XYLT1: variants seen among roughly 807,000 people sequenced by gnomAD.
XYLT1 encodes the protein xylosyltransferase 1, also known as beta-D-xylosyltransferase 1.
Under a neutral mutation model 91.3 loss-of-function variants are expected in XYLT1, and 36 were observed. That is an observed-to-expected ratio of 0.39 (90% CI 0.30 to 0.52). The LOEUF (loss-of-function observed/expected upper bound fraction) is 0.52. XYLT1 is among the 20% of genes least tolerant of loss of function. The pLI is 0.68. For synonymous variants in XYLT1, 588 were observed against 532.0 expected (o/e 1.11, Z -1.45); for missense variants, 1,242 against 1,284.5 (o/e 0.97, Z 0.51).
intron 2 of XYLT1, among the ~76,000 whole-genome samples, chr16:17,336,780 G>A (rs771727830): frequency 1.1e-4 from 16 of 152,150 alleles, no homozygotes; most frequent in Non-Finnish European, 1.9e-4. Flanking sequence ...ATGTGTGTCC[G>A]ACTGGCCTTG....
chr16:17,225,083 T>C (rs1230958228), intron 3 of XYLT1, among the ~76,000 whole-genome samples: 4 of 152,140 alleles, frequency 2.6e-5, no homozygotes, highest in Non-Finnish European at 4.4e-5. Context: ...ATAGTATTAG[T>C]CTTCCAGGAA....
chr16:17,273,399 C>G (rs1259002245), intron 2 of XYLT1, among the ~76,000 whole-genome samples: 6 of 152,214 alleles, frequency 3.9e-5, no homozygotes, highest in African/African-American at 1.4e-4. Flanking sequence ...TATCCTCCAG[C>G]CCCTTGCAAC....
intron 5 of XYLT1, among the ~76,000 whole-genome samples, chr16:17,177,201 G>T (rs1292551526): frequency 6.6e-6 from 1 of 152,010 alleles, no homozygotes; most frequent in Non-Finnish European, 1.5e-5. Flanking sequence ...CAACTCTCAG[G>T]AAACCACTGG....
At chr16:17,292,800 G>A (rs1246327045) in intron 2 of XYLT1, among the ~76,000 whole-genome samples, 1 of 152,176 alleles carries the variant, frequency 6.6e-6, no homozygotes, top group Non-Finnish European at 1.5e-5. Context: ...ACAAAGTGGG[G>A]CACATGGGAA....
intron 1 of XYLT1, among the ~76,000 whole-genome samples, chr16:17,448,980 G>A (rs914211747): frequency 1.6e-4 from 25 of 152,136 alleles, no homozygotes; most frequent in Admixed American, 1.4e-3. Flanking sequence ...TGCGAACTCC[G>A]GCACCTTGGC....
intron 3 of XYLT1, among the ~76,000 whole-genome samples, chr16:17,253,420 C>T (rs1369999216): frequency 2.0e-5 from 3 of 152,166 alleles, no homozygotes; most frequent in Non-Finnish European, 2.9e-5. Context: ...GGCAAACTCA[C>T]ACTGCAAAGC....
chr16:17,232,429 G>GTGTGTATATATATA (rs1194509016), intron 3 of XYLT1, among the ~76,000 whole-genome samples: 3 of 121,734 alleles, frequency 2.5e-5, no homozygotes, highest in Non-Finnish European at 3.4e-5. Context: ...GTGTGTGTGT[G>GTGTGTATATATATA]TATATATATA....
At chr16:17,176,383 C>T (rs940145831) in intron 5 of XYLT1, among the ~76,000 whole-genome samples, 1 of 152,238 alleles carries the variant, frequency 6.6e-6, no homozygotes, top group Non-Finnish European at 1.5e-5. Context: ...AAGGCTGAGG[C>T]AGGTAACTGA....
rs35377886 is a variant in XYLT1 at position 17,409,546 on chromosome 16, C to CTT, written c.364-51498_364-51497dup. Among the ~76,000 whole-genome samples the CTT allele has an allele frequency of 9.5e-3, 1,110 of 117,274 alleles. 38 individuals are homozygous for CTT. Among genetic ancestry groups the CTT allele is most frequent in the African/African-American group, 0.03 (919 of 30,224 alleles). 76.9% of individuals were successfully genotyped at this position (117,274 alleles called of 152,430 possible). A position where few individuals can be genotyped will look rare whatever the true frequency, so the allele number is the denominator to read the frequency against. ...AAGTTGGTTTTGAAGTATTGAGACA[C>CTT]TTTTTTTTTTTTTTTTTTTTTTAGA... On this transcript the variant is annotated intron_variant, in intron 1 of 11. Coordinates refer to ENST00000261381, the MANE Select transcript of XYLT1 (RefSeq NM_022166.4).
intron 2 of XYLT1, 150 bp from the exon 3 acceptor site, chr16:17,259,648 T>C (rs531478870): frequency 1.5e-5 from 14 of 908,304 alleles, no homozygotes; most frequent in Admixed American, 2.9e-5. Flanking sequence ...TCTGGTAAGA[T>C]GGCTCTCTCT....
intron 1 of XYLT1, among the ~76,000 whole-genome samples, chr16:17,412,578 T>G: frequency 1.2e-5 from 1 of 84,950 alleles, no homozygotes; most frequent in African/African-American, 4.6e-5. Flanking sequence ...TTTGAAGCAT[T>G]TGGGGGTGTG....
chr16:17,210,730 G>C (rs973213832), intron 3 of XYLT1, among the ~76,000 whole-genome samples: 4 of 152,202 alleles, frequency 2.6e-5, no homozygotes, highest in Non-Finnish European at 5.9e-5. Flanking sequence ...TGCGATGTCA[G>C]AGTTACCCAA....
At chr16:17,112,975 G>A (rs1966845240) in intron 11 of XYLT1, among the ~76,000 whole-genome samples, 1 of 151,932 alleles carries the variant, frequency 6.6e-6, no homozygotes, top group Non-Finnish European at 1.5e-5. Flanking sequence ...GAGTAGCTGG[G>A]ATCACAGGCA....
At chr16:17,344,033 C>G (rs1044604023) in intron 2 of XYLT1, among the ~76,000 whole-genome samples, 13 of 152,108 alleles carry the variant, frequency 8.5e-5, no homozygotes, top group African/African-American at 3.1e-4. Context: ...TTGGTTAGGA[C>G]CGTGGTTTTC....
chr16:17,224,043 C>T (rs1418648845), intron 3 of XYLT1, among the ~76,000 whole-genome samples: 1 of 152,224 alleles, frequency 6.6e-6, no homozygotes, highest in African/African-American at 2.4e-5. Flanking sequence ...TAGGACCAGA[C>T]CTCGCTAGCT....
chr16:17,276,142 T>C (rs767050466), intron 2 of XYLT1, among the ~76,000 whole-genome samples: 1 of 152,200 alleles, frequency 6.6e-6, no homozygotes, highest in Non-Finnish European at 1.5e-5. Flanking sequence ...TAATAAATTA[T>C]TTTTACTATG....
chr16:17,139,121 T>TGTTGGATCTGAA (rs2030881979), intron 7 of XYLT1, among the ~76,000 whole-genome samples: 1 of 152,304 alleles, frequency 6.6e-6, no homozygotes, highest in South Asian at 2.1e-4. Context: ...AAAGAGGCCA[T>TGTTGGATCTGAA]GTTGGATCTG....
chr16:17,276,247 G>C (rs1483995633), intron 2 of XYLT1, among the ~76,000 whole-genome samples: 1 of 152,204 alleles, frequency 6.6e-6, no homozygotes, highest in Non-Finnish European at 1.5e-5. Context: ...AGGGGCTTCC[G>C]AGCAAGTTTT....
intron 3 of XYLT1, among the ~76,000 whole-genome samples, chr16:17,246,501 G>A (rs1405436372): frequency 6.6e-6 from 1 of 152,206 alleles, no homozygotes; most frequent in Admixed American, 6.5e-5. Context: ...AAGTTAAGGT[G>A]TGGGTTTTGA....
Sources: allele counts gnomAD v4.1 joint callset (sites outside exome capture counted in the v4.1 genomes callset), GRCh38; gene constraint gnomAD v4.1.1; transcripts MANE v1.5; gene names NCBI Gene and HGNC (gene_info 2026-07-23, HGNC 2026-07-21).